Variants in B3GALT1 observed in about 807,000 individuals in gnomAD.
B3GALT1 encodes beta-1,3-galactosyltransferase 1, also known as UDP-Gal:betaGlcNAc beta 1,3-galactosyltransferase, polypeptide 1.
In B3GALT1, 10 loss-of-function variants were observed where a neutral mutation model predicts 23.2. That is an observed-to-expected ratio of 0.43 (90% CI 0.27 to 0.73). The LOEUF (loss-of-function observed/expected upper bound fraction) is 0.73. Ranked by LOEUF, B3GALT1 falls within the 30% of genes least tolerant of loss-of-function variation. B3GALT1 has a pLI of 0.21. For synonymous variants in B3GALT1, 156 were observed against 141.5 expected, an observed-to-expected ratio of 1.10 and a Z score of -0.73; for missense variants, 299 against 405.4, an observed-to-expected ratio of 0.74 and a Z score of 2.25.
intron 2 of B3GALT1, among the ~76,000 whole-genome samples, chr2:167,538,226 C>T (rs577525096): frequency 8.2e-4 from 125 of 152,252 alleles, no homozygotes; most frequent in Admixed American, 1.4e-3. Context: ...ATTTATGCCA[C>T]ATCTGGATAC....
chr2:167,786,162 C>A (rs1688341824), intron 3 of B3GALT1, among the ~76,000 whole-genome samples: 2 of 152,162 alleles, frequency 1.3e-5, no homozygotes, highest in African/African-American at 4.8e-5. Flanking sequence ...TAGACCATTC[C>A]TGTTAGTGTG....
rs143483072 is a variant in B3GALT1, at chr2:167,435,066, A to G, written c.-510-55111A>G. ...AATCCTTAATGATTTTGATAAAACC[A>G]TATTATTAAACTGATTTTTTCATAG... On this transcript the variant is annotated intron_variant, in intron 1 of 4. Transcript: ENST00000392690. Among the ~76,000 whole-genome samples the G allele has an allele frequency of 1.3e-3, 196 of 151,508 alleles. 3 individuals carry two copies. Among genetic ancestry groups the G allele is most frequent in the African/African-American group, 4.4e-3 (182 of 40,904 alleles).
chr2:167,704,201 A>G (rs978090914), intron 3 of B3GALT1, among the ~76,000 whole-genome samples: 2 of 151,384 alleles, frequency 1.3e-5, no homozygotes, highest in African/African-American at 4.9e-5. Context: ...AAAAAAAAAA[A>G]AGGTAACTCA....
Position 167,434,171 on chromosome 2 carries a change from G to A in B3GALT1, c.-510-56006G>A, listed in dbSNP as rs552932219. Among the ~76,000 whole-genome samples the A allele has an allele frequency of 5.3e-5, 8 of 152,160 alleles. No individual in the cohort carries two copies. In the South Asian group the frequency reaches 1.7e-3, roughly 32 times the overall value. ...ACATAGTCAAGATATTGAAATTTAA[G>A]CAAAAAGAACCTAACATTTTGGCAG... On this transcript the variant is annotated intron_variant, in intron 1 of 4. Coordinates refer to ENST00000392690, the MANE Select transcript of B3GALT1 (RefSeq NM_020981.4).
intron 2 of B3GALT1, among the ~76,000 whole-genome samples, chr2:167,510,381 C>T (rs1426919890): frequency 6.9e-6 from 1 of 144,322 alleles, no homozygotes; most frequent in African/African-American, 2.5e-5. Flanking sequence ...GGAACCATGC[C>T]TTATAAATTC....
chr2:167,370,472 C>T (rs760680296), intron 1 of B3GALT1, among the ~76,000 whole-genome samples: 2 of 152,140 alleles, frequency 1.3e-5, no homozygotes, highest in South Asian at 2.1e-4. Context: ...GATGATACAG[C>T]CTTGCCCTCC....
intron 1 of B3GALT1, among the ~76,000 whole-genome samples, chr2:167,377,439 C>T (rs1697782442): frequency 6.6e-6 from 1 of 152,044 alleles, no homozygotes; most frequent in African/African-American, 2.4e-5. Flanking sequence ...GTTGAAGTCC[C>T]CCACTATTAT....
chr2:167,652,718 C>A (rs958955407), intron 3 of B3GALT1, among the ~76,000 whole-genome samples: 1 of 152,028 alleles, frequency 6.6e-6, no homozygotes, highest in Non-Finnish European at 1.5e-5. Context: ...CTTCCTGCAC[C>A]CTCTATAATA....
chr2:167,707,628 T>A (rs1427840450), intron 3 of B3GALT1, among the ~76,000 whole-genome samples: 2 of 152,170 alleles, frequency 1.3e-5, no homozygotes, highest in African/African-American at 2.4e-5. Flanking sequence ...TGCCTCTCAC[T>A]TCCACTTTGA....
intron 1 of B3GALT1, among the ~76,000 whole-genome samples, chr2:167,448,590 T>G (rs1398767041): frequency 6.6e-6 from 1 of 152,192 alleles, no homozygotes; most frequent in Non-Finnish European, 1.5e-5. Flanking sequence ...GATTATTTCT[T>G]TTGCTGTGCA....
intron 1 of B3GALT1, among the ~76,000 whole-genome samples, chr2:167,324,282 T>C (rs1489842255): frequency 6.6e-6 from 1 of 151,116 alleles, no homozygotes; most frequent in Non-Finnish European, 1.5e-5. Flanking sequence ...TTGAAATTTA[T>C]AATAATATTT....
intron 1 of B3GALT1, among the ~76,000 whole-genome samples, chr2:167,473,860 A>C (rs867471691): frequency 5.9e-5 from 9 of 152,202 alleles, no homozygotes; most frequent in Non-Finnish European, 8.8e-5. Flanking sequence ...TGCTTCAAGA[A>C]CTTAAATGTC....
intron 1 of B3GALT1, among the ~76,000 whole-genome samples, chr2:167,453,919 A>G (rs1328428504): frequency 5.3e-5 from 8 of 152,196 alleles, no homozygotes; most frequent in African/African-American, 1.9e-4. Flanking sequence ...ATTTACCTTG[A>G]CTTTAAATGA....
chr2:167,860,636 A>T (rs1252308344), intron 4 of B3GALT1, among the ~76,000 whole-genome samples: 1 of 152,152 alleles, frequency 6.6e-6, no homozygotes, highest in Admixed American at 6.5e-5. Flanking sequence ...ATAGTATAAG[A>T]TGTAGTAGTA....
chr2:167,810,330 C>T (rs1455931361), intron 3 of B3GALT1, among the ~76,000 whole-genome samples: 1 of 150,852 alleles, frequency 6.6e-6, no homozygotes, highest in Admixed American at 6.6e-5. Context: ...GAACCTGGTA[C>T]CTCAGTTGGA....
At chr2:167,725,338 A>T (rs1428012669) in intron 3 of B3GALT1, among the ~76,000 whole-genome samples, 1 of 152,106 alleles carries the variant, frequency 6.6e-6, no homozygotes, top group Non-Finnish European at 1.5e-5. Context: ...AGCCAGTGAT[A>T]CCTTGATATA....
intron 3 of B3GALT1, among the ~76,000 whole-genome samples, chr2:167,673,870 A>G (rs976144076): frequency 9.2e-5 from 14 of 152,106 alleles, no homozygotes; most frequent in Non-Finnish European, 1.9e-4. Context: ...ACTAATCAGA[A>G]AATTTGTCCC....
At chr2:167,573,067 G>T (rs1684323223) in intron 2 of B3GALT1, among the ~76,000 whole-genome samples, 1 of 151,716 alleles carries the variant, frequency 6.6e-6, no homozygotes, top group Non-Finnish European at 1.5e-5. Flanking sequence ...TCTTCTGCAT[G>T]TGCAATTCCT....
chr2:167,718,293 A>G (rs116537131), intron 3 of B3GALT1, among the ~76,000 whole-genome samples: 1,882 of 152,274 alleles, frequency 0.012, 29 homozygotes, highest in Middle Eastern at 0.02. Context: ...ACAAAAAAAA[A>G]AAATCCCCAA....
Sources: allele counts gnomAD v4.1 joint callset (sites outside exome capture counted in the v4.1 genomes callset), GRCh38; gene constraint gnomAD v4.1.1; transcripts MANE v1.5; gene names NCBI Gene and HGNC (gene_info 2026-07-23, HGNC 2026-07-21).